AHNAK: variants seen among roughly 807,000 people sequenced by gnomAD.
AHNAK encodes the protein AHNAK nucleoprotein, also known as neuroblast differentiation-associated protein AHNAK.
AHNAK carries 23 observed loss-of-function variants against 37.8 expected under a neutral mutation model. That is an observed-to-expected ratio of 0.61 (90% CI 0.44 to 0.86). The LOEUF (loss-of-function observed/expected upper bound fraction) is 0.86, where lower values mean the gene tolerates loss of function less well. AHNAK is among the 40% of genes least tolerant of loss of function. The pLI is 0.00. For missense variants in AHNAK, 7,411 were observed against 7,319.4 expected (o/e 1.01, Z -0.46); for synonymous variants, 2,481 against 2,636.3 (o/e 0.94, Z 1.80).
chr11:62,515,386 A>G (rs1409802667), downstream of AHNAK, among the ~76,000 whole-genome samples: 10 of 152,178 alleles, frequency 6.6e-5, no homozygotes, highest in Admixed American at 6.5e-4. Context: ...GCGTAGAGGC[A>G]AGGGCCTGTA....
At position 62,523,115 on chromosome 11, in the gene AHNAK, G is replaced by A. The variant is rs759327800; in HGVS notation, c.11302C>T (p.Pro3768Ser). ...KVKGDVDVSLPKMEGDLKGPE... is the reference protein window; with the variant it reads ...KVKGDVDVSLSKMEGDLKGPE... ...CCCTTGAGGTCACCTTCCATTTTGG[G>A]CAGAGAAACATCCACATCGCCCTTG... Residue 3768 changes from proline to serine, a missense_variant, in exon 5 of 5, where the codon CCC becomes TCC. Pro to Ser is a moderately conservative substitution (Grantham distance 74). Transcript: ENST00000378024. 1.8e-5 allele frequency: 29 copies of A among 1,613,888 alleles called. 1 individual carries two copies. The Admixed American group carries it at 4.7e-4, about 26-fold the overall frequency.
In AHNAK at chr11:62,525,947, T is replaced by C. The variant is rs1590664799; in HGVS notation, c.8470A>G (p.Lys2824Glu). Residue 2824 changes from lysine to glutamate, a missense_variant, in exon 5 of 5, where the codon AAG (lysine) becomes GAG (glutamate). Transcript: ENST00000378024. ...PEGKWKSPKF[K>E]MPEMHFKTPK... ...GTCTTAAAATGCATCTCTGGCATCT[T>C]AAACTTTGGACTTTTCCACTTTCCT... 6.2e-7 allele frequency: 1 copy of C among 1,614,222 alleles called. No individual in the cohort carries two copies. Among genetic ancestry groups the C allele is most frequent in the African/African-American group, 1.3e-5 (1 of 75,050 alleles).
chr11:62,437,864 G>A (rs1938210693), intron 5 of AHNAK, among the ~76,000 whole-genome samples: 1 of 152,050 alleles, frequency 6.6e-6, no homozygotes. Flanking sequence ...ATTATGGTGG[G>A]TGTGTAGTAG....
At position 62,533,084 on chromosome 11, in the gene AHNAK, T is replaced by C. The variant is rs777347861; in HGVS notation, c.1333A>G (p.Lys445Glu). 6.2e-7 allele frequency: 1 copy of C among 1,604,014 alleles called. No individual in the cohort carries two copies. The highest frequency in any genetic ancestry group is 1.1e-5 in the South Asian group (1 of 89,220). The change falls in exon 5 of 5, where the codon AAG (lysine) becomes GAG (glutamate). Residue 445 changes from lysine (K) to glutamate (E), a missense_variant. Transcript: ENST00000378024. ...ACATCAATCCCAGTTTCCTCTCCCTTTGCACCTGATACAGAGAACTTGGGG... is the reference window on the plus strand; with the variant it reads ...ACATCAATCCCAGTTTCCTCTCCCTCTGCACCTGATACAGAGAACTTGGGG... ...KVPKFSVSGA[K>E]GEETGIDVTL...
At chr11:62,480,827 A>AAAAAAAAAAAAG (rs139354282) in intron 5 of AHNAK, among the ~76,000 whole-genome samples, 1 of 120,886 alleles carries the variant, frequency 8.3e-6, no homozygotes, top group African/African-American at 2.9e-5. Flanking sequence ...AAAAAAAAAA[A>AAAAAAAAAAAAG]CCTGGATTTG....
chr11:62,460,271 A>T (rs180859619), intron 5 of AHNAK, among the ~76,000 whole-genome samples: 71 of 152,326 alleles, frequency 4.7e-4, no homozygotes, highest in African/African-American at 1.3e-3. Flanking sequence ...TGGGTGACAG[A>T]GTGAAACCAT....
Position 62,525,295 on chromosome 11 carries a change from T to G in AHNAK, c.9122A>C (p.Asp3041Ala). Residue 3041 changes from aspartate (D) to alanine (A), a missense_variant, in exon 5 of 5, where the codon GAT becomes GCT. Transcript: ENST00000378024. ...SMPGFKGEGP[D>A]VDVNLPKADL... ...AGCCTTGGGCAGGTTCACATCCACA[T>G]CTGGGCCCTCTCCTTTGAAGCCAGG... is the stretch of plus-strand genomic sequence containing the variant. The G allele has an allele frequency of 1.2e-6, 2 of 1,612,930 alleles. No homozygotes were observed. Among genetic ancestry groups the G allele is most frequent in the Non-Finnish European group, 1.7e-6 (2 of 1,179,780 alleles).
intron 4 of AHNAK, among the ~76,000 whole-genome samples, chr11:62,499,733 G>T (rs1565215291): frequency 1.3e-5 from 2 of 152,250 alleles, no homozygotes; most frequent in South Asian, 4.1e-4. Flanking sequence ...CTTCTGGCAT[G>T]AGGCCACGTA....
chr11:62,462,025 A>G (rs1472570761), intron 5 of AHNAK, among the ~76,000 whole-genome samples: 1 of 152,178 alleles, frequency 6.6e-6, no homozygotes, highest in African/African-American at 2.4e-5. Context: ...GGGCATTTAA[A>G]CTTTTAAATA....
At chr11:62,513,523 G>A (rs1041392864), downstream of AHNAK, among the ~76,000 whole-genome samples, 3 of 151,420 alleles carry the variant, frequency 2.0e-5, no homozygotes, top group Non-Finnish European at 2.9e-5. Flanking sequence ...CAACAAGAGC[G>A]AGACTCTGTC....
Position 62,518,473 on chromosome 11 carries a change from A to G in AHNAK, c.15944T>C (p.Leu5315Pro). 4 of 1,614,100 alleles carry G rather than the reference A, an allele frequency of 2.5e-6. No individual in the cohort carries two copies. The highest frequency in any genetic ancestry group is 3.4e-6 in the Non-Finnish European group (4 of 1,180,014). Residue 5315 changes from leucine to proline, a missense_variant, in exon 5 of 5, where the codon CTG (leucine) becomes CCG (proline). Transcript: ENST00000378024. ...NLKGPSLKGD[L>P]DASVPSMKVH... ...CTTCATGCTGGGAACAGATGCATCC[A>G]GGTCTCCCTTCAAACTTGGTCCTTT...
chr11:62,529,416 G>A lies in AHNAK; in HGVS notation c.5001C>T (p.Val1667=). ...DVDLHLKGPK[V]KGDMDVSVPK... ...GCACAGACACATCCATATCCCCTTT[G>A]ACTTTGGGGCCTTTCAAGTGTAAGT... The change falls in exon 5 of 5, where the codon GTC becomes GTT. Residue 1667 remains valine, a synonymous_variant. Transcript: ENST00000378024. 6.2e-7 allele frequency: 1 copy of A among 1,613,520 alleles called. No homozygotes were observed. Among genetic ancestry groups the A allele is most frequent in the South Asian group, 1.1e-5 (1 of 91,060 alleles).
rs141172177 is a variant in AHNAK at position 62,531,160 on chromosome 11, T to C, written c.3257A>G (p.Asp1086Gly). Residue 1086 changes from aspartate (D) to glycine (G), a missense_variant, in exon 5 of 5, where the codon GAT becomes GGT. Coordinates refer to ENST00000378024, the MANE Select transcript of AHNAK (RefSeq NM_001620.3). ...LKGPKMKGNV[D>G]ISAPKIEGEM... Reference sequence around the variant, plus strand: ...ACCCTCTATCTTTGGTGCAGAGATATCTACATTTCCTTTCATTTTGGGTCC... The same window carrying C: ...ACCCTCTATCTTTGGTGCAGAGATACCTACATTTCCTTTCATTTTGGGTCC... 3.6e-5 allele frequency: 58 copies of C among 1,613,988 alleles called. No homozygotes were observed. Among genetic ancestry groups the C allele is most frequent in the African/African-American group, 2.9e-4 (22 of 74,902 alleles).
intron 1 of AHNAK, among the ~76,000 whole-genome samples, chr11:62,543,428 T>C (rs908741667): frequency 6.6e-6 from 1 of 152,170 alleles, no homozygotes; most frequent in African/African-American, 2.4e-5. Context: ...TCACAGGCAA[T>C]GACACACATC....
chr11:62,521,040 G>A lies in AHNAK; in HGVS notation c.13377C>T (p.Ile4459=), dbSNP rs765859971. 22 of 1,613,992 alleles carry A rather than the reference G, an allele frequency of 1.4e-5. No individual in the cohort carries two copies. The South Asian group carries it at 2.2e-4, about 16-fold the overall frequency. The part of the protein sequence containing the change: ...MPEMNIKAPK[I]SMPDFDLHLK... ...GGTGCAAATCAAAGTCAGGCATAGAGATTTTGGGAGCTTTGATGTTCATCT... is the reference window on the plus strand; with the variant it reads ...GGTGCAAATCAAAGTCAGGCATAGAAATTTTGGGAGCTTTGATGTTCATCT... The change falls in exon 5 of 5, where the codon ATC becomes ATT. Residue 4459 remains isoleucine (I), a synonymous_variant. Coordinates refer to ENST00000378024, the MANE Select transcript of AHNAK (RefSeq NM_001620.3).
Position 62,524,336 on chromosome 11 carries a change from C to T in AHNAK, c.10081G>A (p.Gly3361Ser). The change falls in exon 5 of 5, where the codon GGC becomes AGC. Residue 3361 changes from glycine to serine, a missense_variant. Gly to Ser is a moderately conservative substitution (Grantham distance 56). Coordinates refer to ENST00000378024, the MANE Select transcript of AHNAK (RefSeq NM_001620.3). ...RFKLPKFNFS[G>S]SKVQTPEVDV... ...ACTTCAGGTGTCTGAACTTTAGAGC[C>T]CGAAAAATTAAATTTGGGAAGCTTA... 1 of 1,613,508 alleles carries T rather than the reference C, an allele frequency of 6.2e-7. No homozygotes were observed.
At chr11:62,473,922 G>T (rs1939091709) in intron 5 of AHNAK, among the ~76,000 whole-genome samples, 1 of 150,640 alleles carries the variant, frequency 6.6e-6, no homozygotes. Context: ...ATCACTGGAG[G>T]CTTGGAGGTT....
In AHNAK at chr11:62,516,522, T is replaced by C; in HGVS notation, c.*222A>G. ...AAATCTTAAGGCAAATACTGTTGAC[T>C]TTGCACATGGGCTGGACGAACTTGG... On this transcript the variant is annotated 3_prime_UTR_variant, in exon 5 of 5. Coordinates refer to ENST00000378024, the MANE Select transcript of AHNAK (RefSeq NM_001620.3). The C allele has an allele frequency of 7.1e-7, 1 of 1,405,440 alleles. No individual in the cohort carries two copies. The highest frequency in any genetic ancestry group is 9.2e-7 in the Non-Finnish European group (1 of 1,084,890). The allele number at this position is 1,405,440 out of a possible 1,614,324, so 87.1% of individuals were successfully genotyped here.
At chr11:62,545,604 G>C (rs976786044) in intron 1 of AHNAK, 3 of 152,568 alleles carry the variant, frequency 2.0e-5, no homozygotes, top group African/African-American at 7.2e-5. Context: ...GCGAGACCTC[G>C]CTTCGGGCCC....
Sources: allele counts gnomAD v4.1 joint callset (sites outside exome capture counted in the v4.1 genomes callset), GRCh38; gene constraint gnomAD v4.1.1; transcripts MANE v1.5; gene names NCBI Gene and HGNC (gene_info 2026-07-23, HGNC 2026-07-21).